IPCEF1: variants seen among roughly 807,000 people sequenced by gnomAD.
IPCEF1 encodes interactor protein for cytohesin exchange factors 1.
IPCEF1 carries 31 observed loss-of-function variants against 50.9 expected under a neutral mutation model. That is an observed-to-expected ratio of 0.61 (90% confidence interval 0.46 to 0.82). IPCEF1 has a LOEUF of 0.82. IPCEF1 is among the 40% of genes least tolerant of loss of function. The pLI is 0.00. For synonymous variants in IPCEF1, 181 were observed against 192.0 expected (o/e 0.94, Z 0.47); for missense variants, 458 against 514.0 (o/e 0.89, Z 1.05).
chr6:154,337,322 T>C (rs141859569), intron 1 of IPCEF1, among the ~76,000 whole-genome samples: 60 of 152,342 alleles, frequency 3.9e-4, no homozygotes, highest in African/African-American at 1.3e-3. Context: ...TCCCATTCTT[T>C]AGATATAGAC....
intron 5 of IPCEF1, among the ~76,000 whole-genome samples, chr6:154,237,212 C>T (rs1435967595): frequency 6.6e-6 from 1 of 152,172 alleles, no homozygotes. Flanking sequence ...CAGCTCATCC[C>T]ATGGGCCACT....
intron 1 of IPCEF1, among the ~76,000 whole-genome samples, chr6:154,323,653 T>C (rs150692035): frequency 0.021 from 3,205 of 152,272 alleles, 59 homozygotes; most frequent in Non-Finnish European, 0.032. Context: ...GTCTGATTCC[T>C]TCAAAATAAT....
At position 154,159,582 on chromosome 6, in the gene IPCEF1, G is replaced by A. The variant is rs1798851140; in HGVS notation, c.*246C>T. The A allele has an allele frequency of 2.0e-6, 1 of 507,738 alleles. No homozygotes were observed. The highest frequency in any genetic ancestry group is 3.4e-6 in the Non-Finnish European group (1 of 291,722). The allele number at this position is 507,738 out of a possible 1,614,324, so 31.5% of individuals were successfully genotyped here. A position where few individuals can be genotyped will look rare whatever the true frequency, so the allele number is the denominator to read the frequency against. ...AGCCCCACATCACCGTGAGCTCCCA[G>A]TAGGAACACAAAAAACGCCTTTCAA... On this transcript the variant is annotated 3_prime_UTR_variant, in exon 12 of 12. Transcript: ENST00000367220.
chr6:154,290,312 C>T (rs1416732609), intron 1 of IPCEF1, among the ~76,000 whole-genome samples: 8 of 152,124 alleles, frequency 5.3e-5, no homozygotes, highest in African/African-American at 9.7e-5. Flanking sequence ...CAGGCCATTG[C>T]ACATGCGGAA....
intron 1 of IPCEF1, among the ~76,000 whole-genome samples, chr6:154,305,968 A>G (rs1191982819): frequency 6.6e-6 from 1 of 152,100 alleles, no homozygotes; most frequent in Non-Finnish European, 1.5e-5. Context: ...TGGGACTTGG[A>G]CTGACTTCCT....
intron 2 of IPCEF1, among the ~76,000 whole-genome samples, chr6:154,282,832 T>A (rs1201020986): frequency 6.6e-6 from 1 of 152,146 alleles, no homozygotes. Context: ...TTTTCTGGGG[T>A]GTCAGCCATG....
chr6:154,291,721 C>G (rs574613951), intron 1 of IPCEF1, among the ~76,000 whole-genome samples: 1 of 129,932 alleles, frequency 7.7e-6, no homozygotes, highest in Admixed American at 8.7e-5. Flanking sequence ...GTCTCGCACT[C>G]TCGTCCAGGC....
intron 5 of IPCEF1, among the ~76,000 whole-genome samples, chr6:154,234,480 A>G (rs561424619): frequency 6.6e-5 from 10 of 152,378 alleles, no homozygotes; most frequent in Admixed American, 3.3e-4. Flanking sequence ...AACCTAAACC[A>G]GGATGCTATT....
intron 9 of IPCEF1, among the ~76,000 whole-genome samples, chr6:154,200,687 C>G (rs1239166344): frequency 6.6e-6 from 1 of 152,152 alleles, no homozygotes; most frequent in East Asian, 1.9e-4. Flanking sequence ...TGCCACTGCA[C>G]TCCAGTCTGG....
intron 2 of IPCEF1, among the ~76,000 whole-genome samples, chr6:154,279,017 T>C (rs942735627): frequency 4.0e-5 from 6 of 150,238 alleles, no homozygotes; most frequent in African/African-American, 1.5e-4. Flanking sequence ...CCCAGCTACT[T>C]GGGAGGCTGG....
chr6:154,352,276 A>G (rs1186572223), intron 1 of IPCEF1, among the ~76,000 whole-genome samples: 2 of 152,258 alleles, frequency 1.3e-5, no homozygotes, highest in Non-Finnish European at 2.9e-5. Flanking sequence ...TTTATTCAGC[A>G]TTCCACGTAT....
intron 9 of IPCEF1, among the ~76,000 whole-genome samples, chr6:154,202,034 A>T (rs191085127): frequency 2.0e-5 from 3 of 152,342 alleles, no homozygotes; most frequent in Admixed American, 2.0e-4. Context: ...CCTTCTTCCA[A>T]ATCAATATGG....
At chr6:154,177,122 T>C (rs1363623061) in intron 10 of IPCEF1, among the ~76,000 whole-genome samples, 1 of 152,204 alleles carries the variant, frequency 6.6e-6, no homozygotes, top group East Asian at 1.9e-4. Flanking sequence ...CCTTACACCT[T>C]ATACAAAAAT....
At chr6:154,341,852 C>T (rs1315152301) in intron 1 of IPCEF1, among the ~76,000 whole-genome samples, 1 of 152,110 alleles carries the variant, frequency 6.6e-6, no homozygotes, top group Non-Finnish European at 1.5e-5. Flanking sequence ...TGTCTGTATG[C>T]CTTCACCTAA....
intron 3 of IPCEF1, among the ~76,000 whole-genome samples, chr6:154,256,944 G>C (rs766862152): frequency 3.3e-5 from 5 of 152,152 alleles, no homozygotes; most frequent in African/African-American, 4.8e-5. Context: ...TTTGCCCGGT[G>C]GTGGGCTAAT....
chr6:154,338,197 T>C (rs201448946), intron 1 of IPCEF1, among the ~76,000 whole-genome samples: 5 of 152,192 alleles, frequency 3.3e-5, no homozygotes, highest in Admixed American at 2.0e-4. Context: ...GGGCATGTAT[T>C]CTTAGCCTTG....
rs534534534 is a variant in IPCEF1, at chr6:154,282,944, G to C, written c.-18+6769C>G. Among the ~76,000 whole-genome samples the C allele has an allele frequency of 5.3e-5, 8 of 152,226 alleles. No homozygotes were observed. In the South Asian group the frequency reaches 1.7e-3, roughly 32 times the overall value. On this transcript the variant is annotated intron_variant, in intron 2 of 11. Coordinates refer to ENST00000367220, the MANE Select transcript of IPCEF1 (RefSeq NM_001130700.2). ...AACAGCAGGAAGCAGAGCCCAAGGA[G>C]AGAGTGGAAAAAGAAATCTATGCTA...
chr6:154,326,685 G>A (rs1783528258), intron 1 of IPCEF1, among the ~76,000 whole-genome samples: 1 of 152,080 alleles, frequency 6.6e-6, no homozygotes, highest in African/African-American at 2.4e-5. Flanking sequence ...AACTACCATT[G>A]ACATTCTTCA....
intron 1 of IPCEF1, among the ~76,000 whole-genome samples, chr6:154,343,331 TAAG>T (rs147470869): frequency 0.091 from 13,851 of 152,086 alleles, 872 homozygotes; most frequent in South Asian, 0.3. Context: ...ATAAGTGAAA[TAAG>T]AAGAAAAAGA....
Sources: allele counts gnomAD v4.1 joint callset (sites outside exome capture counted in the v4.1 genomes callset), GRCh38; gene constraint gnomAD v4.1.1; transcripts MANE v1.5; gene names NCBI Gene and HGNC (gene_info 2026-07-23, HGNC 2026-07-21).